The following THSD4 variants were observed in gnomAD, a reference collection of about 807,000 sequenced individuals.
THSD4 encodes the protein thrombospondin type-1 domain-containing protein 4.
In THSD4, 69 loss-of-function variants were observed where a neutral mutation model predicts 119.0. The ratio of observed to expected loss-of-function variants is 0.58; its 90% CI spans 0.48 to 0.71. The LOEUF (loss-of-function observed/expected upper bound fraction) is 0.71. Ranked by LOEUF, THSD4 falls within the 30% of genes least tolerant of loss-of-function variation. THSD4 has a pLI of 0.00. For missense variants in THSD4, 1,393 were observed against 1,391.1 expected (o/e 1.00, Z -0.02); for synonymous variants, 524 against 540.4 (o/e 0.97, Z 0.42).
At chr15:71,602,805 T>C (rs2050039778) in intron 7 of THSD4, among the ~76,000 whole-genome samples, 1 of 152,166 alleles carries the variant, frequency 6.6e-6, no homozygotes, top group Admixed American at 6.5e-5. Flanking sequence ...TTGGATAGTT[T>C]TGACTGTTGT....
At chr15:71,624,141 G>A (rs35954205) in intron 7 of THSD4, among the ~76,000 whole-genome samples, 42,848 of 151,940 alleles carry the variant, frequency 0.28, 6,874 homozygotes, top group Middle Eastern at 0.39. Context: ...TATCCTACAG[G>A]GAGTTCTGGA....
intron 6 of THSD4, among the ~76,000 whole-genome samples, chr15:71,309,338 C>A (rs959667897): frequency 6.6e-6 from 1 of 152,188 alleles, no homozygotes; most frequent in African/African-American, 2.4e-5. Flanking sequence ...CTTTACCTAT[C>A]TATAAATTAG....
intron 7 of THSD4, among the ~76,000 whole-genome samples, chr15:71,442,660 G>GTGTATGTATGTATGTATATGTATA: frequency 3.9e-5 from 1 of 25,818 alleles, no homozygotes; most frequent in African/African-American, 1.1e-4. Flanking sequence ...GTGTGTGTGT[G>GTGTATGTATGTATGTATATGTATA]TATATATATA....
intron 10 of THSD4, chr15:71,731,420 C>G (rs905126400): frequency 5.3e-6 from 3 of 567,506 alleles, no homozygotes; most frequent in Non-Finnish European, 9.5e-6. Context: ...GTTTCATTCA[C>G]TCGATTCCAA....
intron 6 of THSD4, among the ~76,000 whole-genome samples, chr15:71,299,850 A>G (rs2138292): frequency 0.8 from 120,271 of 151,096 alleles, 48,123 homozygotes; most frequent in East Asian, 0.88. Context: ...ATTGGGCTGG[A>G]CGTGATAGCT....
At chr15:71,401,356 TGTTA>T (rs1171497282) in intron 6 of THSD4, among the ~76,000 whole-genome samples, 2 of 152,204 alleles carry the variant, frequency 1.3e-5, no homozygotes, top group South Asian at 2.1e-4. Context: ...GAACCTGAAT[TGTTA>T]GTGTTATTTT....
intron 6 of THSD4, chr15:71,348,470 C>T (rs959051611): frequency 2.6e-5 from 4 of 152,234 alleles, no homozygotes; most frequent in Admixed American, 6.5e-5. Flanking sequence ...AACACCTGCT[C>T]ACCATGACCT....
chr15:71,569,331 A>AGAGC (rs2049304960), intron 7 of THSD4, among the ~76,000 whole-genome samples: 3 of 152,066 alleles, frequency 2.0e-5, no homozygotes, highest in Non-Finnish European at 4.4e-5. Context: ...AGAGAGAGAG[A>AGAGC]GGGAGGGAGG....
intron 7 of THSD4, among the ~76,000 whole-genome samples, chr15:71,429,792 A>T (rs1396354365): frequency 6.6e-6 from 1 of 152,236 alleles, no homozygotes; most frequent in Non-Finnish European, 1.5e-5. Flanking sequence ...AGATCCCATT[A>T]AACCAGTCTC....
intron 6 of THSD4, among the ~76,000 whole-genome samples, chr15:71,325,205 A>G (rs1447059626): frequency 1.3e-5 from 2 of 152,212 alleles, no homozygotes; most frequent in Non-Finnish European, 2.9e-5. Context: ...TTGACTTGTC[A>G]TGCCCAATGT....
intron 5 of THSD4, among the ~76,000 whole-genome samples, chr15:71,245,667 AG>A (rs1482966004): frequency 7.2e-5 from 11 of 152,202 alleles, no homozygotes; most frequent in Admixed American, 5.2e-4. Flanking sequence ...ATACCAGAGA[AG>A]TCTCCCCTGT....
intron 12 of THSD4, among the ~76,000 whole-genome samples, chr15:71,745,644 G>T (rs867105011): frequency 6.6e-6 from 1 of 152,066 alleles, no homozygotes; most frequent in African/African-American, 2.4e-5. Flanking sequence ...GAACTGTTTC[G>T]GTTTTTTGGT....
chr15:71,775,503 T>C (rs1217300303), intron 17 of THSD4, among the ~76,000 whole-genome samples: 2 of 151,414 alleles, frequency 1.3e-5, no homozygotes, highest in African/African-American at 4.9e-5. Flanking sequence ...TGAGCTGGAG[T>C]GGGAGACCAG....
chr15:71,237,588 C>A (rs1387893056), intron 4 of THSD4, among the ~76,000 whole-genome samples: 1 of 152,176 alleles, frequency 6.6e-6, no homozygotes, highest in Non-Finnish European at 1.5e-5. Context: ...GAGGCCTGTG[C>A]TAGACCCGCT....
At chr15:71,641,684 C>T (rs1316906943) in intron 7 of THSD4, among the ~76,000 whole-genome samples, 1 of 152,024 alleles carries the variant, frequency 6.6e-6, no homozygotes, top group Non-Finnish European at 1.5e-5. Context: ...TTTAGAATCC[C>T]TTATGTCACT....
intron 7 of THSD4, among the ~76,000 whole-genome samples, chr15:71,511,200 T>A (rs891512060): frequency 1.3e-5 from 2 of 152,192 alleles, no homozygotes; most frequent in African/African-American, 2.4e-5. Context: ...GGACTGTTTG[T>A]GGCCTGTGTG....
At chr15:71,685,662 T>G (rs933244059) in intron 8 of THSD4, among the ~76,000 whole-genome samples, 1 of 152,158 alleles carries the variant, frequency 6.6e-6, no homozygotes, top group Non-Finnish European at 1.5e-5. Context: ...CATAAATATG[T>G]AGTTGGAAAA....
intron 6 of THSD4, among the ~76,000 whole-genome samples, chr15:71,367,297 T>A (rs1226439774): frequency 3.9e-5 from 6 of 152,308 alleles, no homozygotes; most frequent in South Asian, 2.1e-4. Context: ...CATTCTTTTT[T>A]TTATTATTAT....
intron 8 of THSD4, among the ~76,000 whole-genome samples, chr15:71,703,854 T>TA (rs1255657968): frequency 1.1e-4 from 16 of 152,258 alleles, no homozygotes; most frequent in Middle Eastern, 3.4e-3. Context: ...TTTTGTTAGT[T>TA]TGTTTTTGTT....
Sources: allele counts gnomAD v4.1 joint callset (sites outside exome capture counted in the v4.1 genomes callset), GRCh38; gene constraint gnomAD v4.1.1; transcripts MANE v1.5; gene names NCBI Gene and HGNC (gene_info 2026-07-23, HGNC 2026-07-21).